SERPINE3: variants seen among roughly 807,000 people sequenced by gnomAD.
SERPINE3 encodes serpin E3.
Under a neutral mutation model 41.7 loss-of-function variants are expected in SERPINE3, and 43 were observed. That is an observed-to-expected ratio of 1.03 (90% CI 0.81 to 1.33). The LOEUF (loss-of-function observed/expected upper bound fraction) is 1.33. Among genes scored for constraint, SERPINE3 ranks in the 40% most tolerant of loss-of-function variants. SERPINE3 has a pLI of 0.00. For missense variants in SERPINE3, 440 were observed against 491.7 expected (o/e 0.89, Z 0.99); for synonymous variants, 200 against 192.2 (o/e 1.04, Z -0.34).
Position 51,348,404 on chromosome 13 carries a change from C to T in SERPINE3, c.892C>T (p.Leu298=), listed in dbSNP as rs1231205818. The T allele has an allele frequency of 6.2e-7, 1 of 1,613,276 alleles. No individual in the cohort carries two copies. Among genetic ancestry groups the T allele is most frequent in the East Asian group, 2.2e-5 (1 of 44,872 alleles). ...GAGGAGAGCCAGGATGGATGTGTTC[C>T]TGCCCAGGTGAGCAGCTGAGTCCCC... The part of the protein sequence containing the change: ...SLRRARMDVF[L]PRFRIQNQFN... The change falls in exon 6 of 10, where the codon CTG becomes TTG. Residue 298 remains leucine, a synonymous_variant. Coordinates refer to ENST00000681248, the MANE Select transcript of SERPINE3 (RefSeq NM_001386375.1).
In SERPINE3 at chr13:51,340,780, C is replaced by A; in HGVS notation, c.-95-4C>A. 2.1e-6 allele frequency: 1 copy of A among 468,504 alleles called. No homozygotes were observed. Among genetic ancestry groups the A allele is most frequent in the Admixed American group, 3.7e-5 (1 of 27,154 alleles). The allele number at this position is 468,504 out of a possible 1,614,324, so 29.0% of individuals were successfully genotyped here. On this transcript the variant is annotated splice_polypyrimidine_tract_variant and splice_region_variant and intron_variant, in intron 1 of 9. Coordinates refer to ENST00000681248, the MANE Select transcript of SERPINE3 (RefSeq NM_001386375.1). ...ACATAATGCTTTGCTTCTGATCTGA[C>A]CAGGGCTTTGCTAAAGTCACACATC...
intron 3 of SERPINE3, among the ~76,000 whole-genome samples, chr13:51,343,207 G>A (rs1248516177): frequency 6.6e-6 from 1 of 152,210 alleles, no homozygotes; most frequent in Admixed American, 6.5e-5. Flanking sequence ...AGGTAGTGGA[G>A]GAAAAGATAC....
At position 51,364,334 on chromosome 13, in the gene SERPINE3, A is replaced by G. The variant is rs1056341148; in HGVS notation, c.*52A>G. ...CTTTTCTTCATAAAGTTATAATTTC[A>G]TTTTGCTATACCCTTGAAATTTAAA... On this transcript the variant is annotated 3_prime_UTR_variant, in exon 10 of 10. Coordinates refer to ENST00000681248, the MANE Select transcript of SERPINE3 (RefSeq NM_001386375.1). The G allele has an allele frequency of 1.6e-5, 17 of 1,052,532 alleles. No homozygotes were observed. In the East Asian group the frequency reaches 2.9e-4, roughly 18 times the overall value. 65.2% of individuals were successfully genotyped at this position (1,052,532 alleles called of 1,614,324 possible).
chr13:51,363,433 T>C (rs1021067450), intron 9 of SERPINE3: 1 of 151,848 alleles, frequency 6.6e-6, no homozygotes, highest in African/African-American at 2.4e-5. Context: ...TCAGCCTTCA[T>C]TATTTCCAAC....
At chr13:51,350,211 A>G (rs1004520062) in intron 6 of SERPINE3, among the ~76,000 whole-genome samples, 2 of 152,198 alleles carry the variant, frequency 1.3e-5, no homozygotes, top group Non-Finnish European at 2.9e-5. Flanking sequence ...GTTAGACATC[A>G]CCAAGCAGTG....
intron 9 of SERPINE3, chr13:51,363,265 G>C (rs780128740): frequency 1.3e-5 from 2 of 151,934 alleles, no homozygotes; most frequent in African/African-American, 4.8e-5. Flanking sequence ...TCAGTAATCA[G>C]AATGAAAATA....
In SERPINE3 at chr13:51,341,144, C is replaced by A; in HGVS notation, c.53C>A (p.Ala18Glu). Residue 18 changes from alanine (A) to glutamate (E), a missense_variant, in exon 3 of 10, where the codon GCA (alanine) becomes GAA (glutamate). Ala to Glu is a moderately radical substitution (Grantham distance 107). Transcript: ENST00000681248. The part of the protein sequence containing the change: ...LFLFHSCCLR[A>E]NGHLREGMTL... ...CTCTTTCACTCTTGCTGCCTCCGAGCAAATGGCCACCTCCGTGAAGGAATG... is the reference window on the plus strand; with the variant it reads ...CTCTTTCACTCTTGCTGCCTCCGAGAAAATGGCCACCTCCGTGAAGGAATG... The A allele has an allele frequency of 6.2e-7, 1 of 1,614,010 alleles. No homozygotes were observed. The highest frequency in any genetic ancestry group is 8.5e-7 in the Non-Finnish European group (1 of 1,179,882).
chr13:51,341,262 G>A lies in SERPINE3; in HGVS notation c.171G>A (p.Val57=). 1 of 1,614,006 alleles carries A rather than the reference G, an allele frequency of 6.2e-7. No homozygotes were observed. The highest frequency in any genetic ancestry group is 1.1e-5 in the South Asian group (1 of 91,082). Residue 57 remains valine, a synonymous_variant, in exon 3 of 10, where the codon GTG becomes GTA. Transcript: ENST00000681248. ...ACTTTGTCATCTCTCCTGCTGGTGT[G>A]TCCCTCCCCCTGGAGATCCTGCAGT... ...ETNFVISPAG[V]SLPLEILQFG...
At chr13:51,340,482 C>T (rs1313115023) in intron 1 of SERPINE3, among the ~76,000 whole-genome samples, 1 of 151,892 alleles carries the variant, frequency 6.6e-6, no homozygotes, top group Non-Finnish European at 1.5e-5. Flanking sequence ...TTTTATATAC[C>T]ACTCATAGAA....
chr13:51,348,244 G>A lies in SERPINE3; in HGVS notation c.732G>A (p.Val244=). The change falls in exon 6 of 10, where the codon GTG becomes GTA. Residue 244 remains valine (V), a synonymous_variant. Coordinates refer to ENST00000681248, the MANE Select transcript of SERPINE3 (RefSeq NM_001386375.1). ...TCCAGGACACTGCAGGCCATCAGGT[G>A]GGGGTGCTGGAGCTTCCTTACCTGG... ...GQFQDTAGHQ[V]GVLELPYLGS... 1.2e-6 allele frequency: 2 copies of A among 1,601,610 alleles called. No individual in the cohort carries two copies. Among genetic ancestry groups the A allele is most frequent in the Non-Finnish European group, 1.7e-6 (2 of 1,174,018 alleles).
At chr13:51,356,891 G>A (rs1394387828) in intron 7 of SERPINE3, among the ~76,000 whole-genome samples, 1 of 151,788 alleles carries the variant, frequency 6.6e-6, no homozygotes, top group Non-Finnish European at 1.5e-5. Context: ...ATTATCATGT[G>A]CCAAGTATGA....
chr13:51,345,592 C>CAAAAA lies in SERPINE3; in HGVS notation c.490+1127_490+1131dup, dbSNP rs753888958. On this transcript the variant is annotated intron_variant, in intron 4 of 9. Coordinates refer to ENST00000681248, the MANE Select transcript of SERPINE3 (RefSeq NM_001386375.1). The stretch of plus-strand genomic sequence containing the variant: ...CTTGGGCAACAGTGAGATTTCATCT[C>CAAAAA]AAAAAAAAAAAAAAAAAAAAAAAAG... Among the ~76,000 whole-genome samples the CAAAAA allele has an allele frequency of 7.1e-3, 261 of 36,994 alleles. 10 individuals are homozygous for CAAAAA. Among genetic ancestry groups the CAAAAA allele is most frequent in the Middle Eastern group, 0.014 (1 of 70 alleles). 24.3% of individuals were successfully genotyped at this position (36,994 alleles called of 152,430 possible).
chr13:51,361,952 G>C (rs778361199), intron 9 of SERPINE3, 59 bp downstream of exon 9: 12 of 1,611,500 alleles, frequency 7.4e-6, no homozygotes, highest in Middle Eastern at 1.7e-4. Context: ...CTAGCAACAA[G>C]GGCTCATTTG....
intron 7 of SERPINE3, among the ~76,000 whole-genome samples, chr13:51,360,152 C>T (rs1449570813): frequency 6.6e-6 from 1 of 152,054 alleles, no homozygotes; most frequent in Non-Finnish European, 1.5e-5. Context: ...CCTGTGTGTG[C>T]GTGACAAACA....
Position 51,341,296 on chromosome 13 carries a change from G to C in SERPINE3, c.205G>C (p.Glu69Gln). ...CCTGGAGATCCTGCAGTTTGGAGCA[G>C]AAGGGAGCACTGGTCAGCAGCTGGC... ...LPLEILQFGA[E>Q]GSTGQQLADA... The change falls in exon 3 of 10, where the codon GAA becomes CAA. Residue 69 changes from glutamate to glutamine, a missense_variant. Transcript: ENST00000681248. 6.2e-7 allele frequency: 1 copy of C among 1,613,458 alleles called. No individual in the cohort carries two copies.
chr13:51,364,403 C>A lies in SERPINE3; in HGVS notation c.*121C>A. The A allele has an allele frequency of 1.9e-6, 1 of 522,596 alleles. No individual in the cohort carries two copies. Among genetic ancestry groups the A allele is most frequent in the Non-Finnish European group, 3.3e-6 (1 of 306,902 alleles). 32.4% of individuals were successfully genotyped at this position (522,596 alleles called of 1,614,324 possible). On this transcript the variant is annotated 3_prime_UTR_variant, in exon 10 of 10. Transcript: ENST00000681248. ...TAAAAAGCTAAGGGTATGTGATTTT[C>A]AATATTATAAACCTAAAAATACTTC...
chr13:51,347,214 A>C lies in SERPINE3; in HGVS notation c.680A>C (p.Gln227Pro). The change falls in exon 5 of 10, where the codon CAA (glutamine) becomes CCA (proline). Residue 227 changes from glutamine (Q) to proline (P), a missense_variant. Coordinates refer to ENST00000681248, the MANE Select transcript of SERPINE3 (RefSeq NM_001386375.1). Reference sequence around the variant, plus strand: ...GTCCTTCAGGTCCCCATGATGCACCAAACGACCGAGGTCAACTACGGTGAG... The same window carrying C: ...GTCCTTCAGGTCCCCATGATGCACCCAACGACCGAGGTCAACTACGGTGAG... ...GLVLQVPMMH[Q>P]TTEVNYGQFQ... 1 of 1,613,858 alleles carries C rather than the reference A, an allele frequency of 6.2e-7. No homozygotes were observed. The highest frequency in any genetic ancestry group is 8.5e-7 in the Non-Finnish European group (1 of 1,179,840).
At chr13:51,347,832 C>T (rs886205555) in intron 5 of SERPINE3, among the ~76,000 whole-genome samples, 5 of 151,938 alleles carry the variant, frequency 3.3e-5, no homozygotes, top group South Asian at 2.1e-4. Context: ...GTCATCAGAT[C>T]GAGAAAACAT....
At chr13:51,361,999 T>C in intron 9 of SERPINE3, 106 bp downstream of exon 9, 2 of 1,610,250 alleles carry the variant, frequency 1.2e-6, no homozygotes, top group Non-Finnish European at 1.7e-6. Context: ...TCTTTCTAGC[T>C]GTTTTTATGG....
Sources: allele counts gnomAD v4.1 joint callset (sites outside exome capture counted in the v4.1 genomes callset), GRCh38; gene constraint gnomAD v4.1.1; transcripts MANE v1.5; gene names NCBI Gene and HGNC (gene_info 2026-07-23, HGNC 2026-07-21).